The following MYO3A variants were observed in gnomAD, a reference collection of about 807,000 sequenced individuals.
MYO3A encodes myosin IIIA.
Under a neutral mutation model 192.7 loss-of-function variants are expected in MYO3A, and 180 were observed. That is an observed-to-expected ratio of 0.93 (90% CI 0.83 to 1.06). The LOEUF is 1.06. Among genes scored for constraint, MYO3A ranks in the 50% least tolerant of loss-of-function variants. The probability of loss-of-function intolerance (pLI) is 0.00; values close to 1 mark genes in which losing one functional copy is unlikely to be tolerated. For synonymous variants in MYO3A, 628 were observed against 645.3 expected (o/e 0.97, Z 0.41); for missense variants, 1,896 against 1,905.0 (o/e 1.00, Z 0.09).
rs572043309 is a variant in MYO3A at position 25,968,434 on chromosome 10, T to G, written c.303+13426T>G. On this transcript the variant is annotated intron_variant, in intron 4 of 34. Coordinates refer to ENST00000642920, the MANE Select transcript of MYO3A (RefSeq NM_017433.5). Reference sequence around the variant, plus strand: ...CATTTTTTAGGCTGAAGGAAAATGATTCCAGGTGAAAAGTCATACCTACAG... The same window carrying G: ...CATTTTTTAGGCTGAAGGAAAATGAGTCCAGGTGAAAAGTCATACCTACAG... Among the ~76,000 whole-genome samples, 18 of 152,320 alleles carry G rather than the reference T, an allele frequency of 1.2e-4. No individual in the cohort carries two copies. In the East Asian group the frequency reaches 2.7e-3, roughly 23 times the overall value.
intron 4 of MYO3A, among the ~76,000 whole-genome samples, chr10:25,983,658 A>T (rs1042139310): frequency 1.3e-5 from 2 of 152,208 alleles, no homozygotes; most frequent in Non-Finnish European, 2.9e-5. Flanking sequence ...GAAGAAGAGA[A>T]ATCTAAAAGT....
chr10:26,038,608 A>C (rs1312403893), intron 10 of MYO3A, among the ~76,000 whole-genome samples: 1 of 152,176 alleles, frequency 6.6e-6, no homozygotes, highest in Middle Eastern at 3.2e-3. Flanking sequence ...GGTTTTTTCA[A>C]GTATACCGTC....
chr10:26,126,446 T>C (rs1839219816), intron 19 of MYO3A, among the ~76,000 whole-genome samples: 1 of 152,192 alleles, frequency 6.6e-6, no homozygotes. Context: ...CATTATACTA[T>C]GTATAGTCAA....
In MYO3A at chr10:26,173,923, A is replaced by G; in HGVS notation, c.3659A>G (p.Asp1220Gly). The G allele has an allele frequency of 1.9e-6, 3 of 1,612,934 alleles. No individual in the cohort carries two copies. Among genetic ancestry groups the G allele is most frequent in the Non-Finnish European group, 2.5e-6 (3 of 1,179,794 alleles). The change falls in exon 30 of 35, where the codon GAC (aspartate) becomes GGC (glycine). Residue 1220 changes from aspartate to glycine, a missense_variant. Physicochemically the swap from Asp to Gly is moderately conservative, Grantham distance 94 (BLOSUM62 -1). Transcript: ENST00000642920. ...AGCCCCAAACAGAAGTCTGTCAAAG[A>G]CCTGGAAGAGAACAGCAATCTAAGG... ...EVSPKQKSVK[D>G]LEENSNLRKV... is the part of the protein sequence containing the mutation.
chr10:26,079,246 C>G (rs1279797042), intron 14 of MYO3A, among the ~76,000 whole-genome samples: 2 of 152,058 alleles, frequency 1.3e-5, no homozygotes, highest in Non-Finnish European at 2.9e-5. Flanking sequence ...TTGGACAAGG[C>G]CTTTTACCAT....
intron 17 of MYO3A, among the ~76,000 whole-genome samples, chr10:26,113,566 T>C (rs576913122): frequency 6.6e-4 from 100 of 151,948 alleles, no homozygotes; most frequent in African/African-American, 2.2e-3. Context: ...AACTTAAAAA[T>C]AACAATTTGA....
At chr10:26,088,967 C>T (rs763524721) in intron 15 of MYO3A, among the ~76,000 whole-genome samples, 6 of 152,130 alleles carry the variant, frequency 3.9e-5, no homozygotes, top group Non-Finnish European at 8.8e-5. Context: ...CAAAGTTTCT[C>T]TCCTGTCTCA....
chr10:26,096,441 A>T lies in MYO3A; in HGVS notation c.1623A>T (p.Lys541Asn). ...ATGCTGGTTTGGCTGAAAAGAAGAA[A>T]CTAGCCCATTACAAACTGCCTGAAA... ...YIYAGLAEKKKLAHYKLPENK... is the reference protein window; with the variant it reads ...YIYAGLAEKKNLAHYKLPENK... Residue 541 changes from lysine (K) to asparagine (N), a missense_variant, in exon 16 of 35, where the codon AAA becomes AAT. By Grantham distance (94) the Lys-to-Asn change is moderately conservative (BLOSUM62 0). Transcript: ENST00000642920. 6.2e-7 allele frequency: 1 copy of T among 1,613,866 alleles called. No homozygotes were observed. The highest frequency in any genetic ancestry group is 1.1e-5 in the South Asian group (1 of 91,014).
rs1372939078 is a variant in MYO3A at position 26,212,111 on chromosome 10, A to G, written c.*148A>G. 2.4e-6 allele frequency: 3 copies of G among 1,229,278 alleles called. No homozygotes were observed. Among genetic ancestry groups the G allele is most frequent in the East Asian group, 2.6e-5 (1 of 38,428 alleles). The allele number at this position is 1,229,278 out of a possible 1,614,324, so 76.1% of individuals were successfully genotyped here. On this transcript the variant is annotated 3_prime_UTR_variant, in exon 35 of 35. Coordinates refer to ENST00000642920, the MANE Select transcript of MYO3A (RefSeq NM_017433.5). ...GGCTGCCTGCTGCGCTCGGCCCTCA[A>G]GTGCCCGGGCCGGCCTTCGTGCTCC...
chr10:25,974,621 T>G (rs1366862995), intron 4 of MYO3A, among the ~76,000 whole-genome samples: 1 of 152,144 alleles, frequency 6.6e-6, no homozygotes, highest in African/African-American at 2.4e-5. Context: ...CTGGGGATGT[T>G]TGAGGGAGAG....
chr10:26,170,573 A>G (rs1589072739), intron 29 of MYO3A, 34 bp downstream of exon 29: 1 of 1,585,880 alleles, frequency 6.3e-7, no homozygotes, highest in African/African-American at 1.3e-5. Context: ...CCGTTGTAAC[A>G]TATAGATTTT....
At chr10:25,942,790 GTTT>G (rs36039788) in intron 2 of MYO3A, among the ~76,000 whole-genome samples, 45 of 145,418 alleles carry the variant, frequency 3.1e-4, no homozygotes, top group East Asian at 8.0e-4. Context: ...TTTTAATTGG[GTTT>G]TTTTTTTTTT....
intron 14 of MYO3A, among the ~76,000 whole-genome samples, chr10:26,086,073 A>C (rs941612585): frequency 3.9e-5 from 6 of 152,104 alleles, no homozygotes; most frequent in African/African-American, 1.4e-4. Context: ...CCATTCTCAC[A>C]CTGCTATAAA....
chr10:26,035,286 G>A (rs536840961), intron 10 of MYO3A, among the ~76,000 whole-genome samples: 3 of 152,244 alleles, frequency 2.0e-5, no homozygotes, highest in African/African-American at 7.2e-5. Flanking sequence ...TTTTAACGTG[G>A]TCTCCAGGAA....
At chr10:26,120,053 A>G (rs1838760898) in intron 17 of MYO3A, among the ~76,000 whole-genome samples, 1 of 151,744 alleles carries the variant, frequency 6.6e-6, no homozygotes, top group Admixed American at 6.6e-5. Flanking sequence ...CTGTACATCT[A>G]CACAGGAGTC....
intron 7 of MYO3A, among the ~76,000 whole-genome samples, chr10:26,018,152 C>G (rs867893597): frequency 1.3e-5 from 2 of 151,752 alleles, no homozygotes; most frequent in Non-Finnish European, 2.9e-5. Context: ...TTTCTGATGT[C>G]AGTTTTATTA....
intron 20 of MYO3A, among the ~76,000 whole-genome samples, chr10:26,133,825 A>G (rs774815794): frequency 1.1e-4 from 16 of 152,254 alleles, no homozygotes; most frequent in Admixed American, 3.9e-4. Flanking sequence ...CTAGATCCAT[A>G]TGATAGTACT....
intron 6 of MYO3A, among the ~76,000 whole-genome samples, chr10:26,004,155 G>T (rs1452118925): frequency 6.6e-6 from 1 of 152,200 alleles, no homozygotes; most frequent in African/African-American, 2.4e-5. Flanking sequence ...CTGGCAGGGA[G>T]TGTTGGGTCC....
chr10:26,029,652 T>C (rs1181195489), intron 10 of MYO3A, among the ~76,000 whole-genome samples: 2 of 152,204 alleles, frequency 1.3e-5, no homozygotes, highest in African/African-American at 4.8e-5. Flanking sequence ...TTTTCATATC[T>C]GACTTTTTAT....
Sources: gnomAD v4.1 joint callset for allele counts (sites outside exome capture counted in the v4.1 genomes callset) on GRCh38, gnomAD v4.1.1 for gene constraint, MANE v1.5 for transcripts, NCBI Gene and HGNC (gene_info 2026-07-23, HGNC 2026-07-21) for gene names.